GPHN: variants seen among roughly 807,000 people sequenced by gnomAD.
The protein encoded by GPHN is gephyrin.
A neutral mutation model predicts 95.5 loss-of-function variants in GPHN; 17 were observed. The observed-to-expected ratio is 0.18, with a 90% CI of 0.12 to 0.27. The LOEUF is 0.27. Ranked by LOEUF, GPHN falls within the 10% of genes least tolerant of loss-of-function variation. The probability of loss-of-function intolerance (pLI) is 1.00; values close to 1 mark genes in which losing one functional copy is unlikely to be tolerated. For synonymous variants in GPHN, 320 were observed against 322.5 expected (o/e 0.99, Z 0.08); for missense variants, 660 against 978.1 (o/e 0.67, Z 4.34).
the GPHN span, chr14:67,395,326 C>T: frequency 2.2e-6 from 3 of 1,363,602 alleles, no homozygotes; most frequent in African/African-American, 1.4e-5. Flanking sequence ...CAGAGCCCCC[C>T]CAAGGGGCAG....
intron 1 of GPHN, among the ~76,000 whole-genome samples, chr14:66,630,814 A>C (rs529127397): frequency 6.6e-6 from 1 of 152,210 alleles, no homozygotes; most frequent in East Asian, 1.9e-4. Context: ...TTTTCTTGTC[A>C]TGCCAGTTAA....
intron 12 of GPHN, among the ~76,000 whole-genome samples, chr14:67,094,794 G>A (rs941856239): frequency 1.3e-5 from 2 of 152,154 alleles, no homozygotes; most frequent in Non-Finnish European, 2.9e-5. Context: ...CTATTGCCAA[G>A]TGAGATTGTA....
the GPHN span, among the ~76,000 whole-genome samples, chr14:67,414,174 TC>T: frequency 6.6e-6 from 1 of 152,130 alleles, no homozygotes; most frequent in African/African-American, 2.4e-5. Flanking sequence ...CAGGAGGGGT[TC>T]TTGAATGAAT....
chr14:67,358,326 A>C, the GPHN span, among the ~76,000 whole-genome samples: 1 of 152,202 alleles, frequency 6.6e-6, no homozygotes, highest in South Asian at 2.1e-4. Context: ...TGAAGGTAAA[A>C]AATTTAAAAA....
At chr14:66,944,281 T>A (rs1872449381) in intron 8 of GPHN, among the ~76,000 whole-genome samples, 1 of 152,148 alleles carries the variant, frequency 6.6e-6, no homozygotes, top group African/African-American at 2.4e-5. Flanking sequence ...AGAGAATCAA[T>A]AATTAGCAAA....
At chr14:67,186,497 C>A (rs546010777), downstream of GPHN, among the ~76,000 whole-genome samples, 11 of 152,314 alleles carry the variant, frequency 7.2e-5, no homozygotes, top group African/African-American at 2.4e-4. Context: ...GAGGAAGCAA[C>A]TACCACAACT....
intron 2 of GPHN, among the ~76,000 whole-genome samples, chr14:66,723,249 A>G (rs1046960400): frequency 2.6e-5 from 4 of 151,418 alleles, no homozygotes; most frequent in Non-Finnish European, 5.9e-5. Context: ...TAAAAAGTTT[A>G]TAACCTTTTA....
chr14:66,602,905 T>C (rs1699749722), intron 1 of GPHN, among the ~76,000 whole-genome samples: 1 of 151,858 alleles, frequency 6.6e-6, no homozygotes, highest in South Asian at 2.1e-4. Flanking sequence ...AGTTATAAAT[T>C]AATTCATATA....
rs1169056047 is a variant in GPHN at position 66,829,082 on chromosome 14, C to CTTTT, written c.294+4536_294+4539dup. 2.9e-4 allele frequency among the ~76,000 whole-genome samples: 23 copies of CTTTT among 80,090 alleles called. 1 individual carries two copies. Among genetic ancestry groups the CTTTT allele is most frequent in the African/African-American group, 3.7e-4 (7 of 18,852 alleles). 52.5% of individuals were successfully genotyped at this position (80,090 alleles called of 152,430 possible). On this transcript the variant is annotated intron_variant, in intron 4 of 22. Transcript: ENST00000478722. Reference sequence around the variant, plus strand: ...TGGTTTTTAATAATAGATTGCTTGCCTTTTTTTTTTTTTTTTTTTTTTTGA... The same window carrying CTTTT: ...TGGTTTTTAATAATAGATTGCTTGCCTTTTTTTTTTTTTTTTTTTTTTTTTTTGA...
chr14:67,433,833 AACAAAT>A, the GPHN span, among the ~76,000 whole-genome samples: 1,192 of 152,362 alleles, frequency 7.8e-3, 21 homozygotes, highest in African/African-American at 0.027. Flanking sequence ...ATCACTGTTT[AACAAAT>A]ATCGTCTAAG....
chr14:67,057,010 C>A (rs552422423), intron 10 of GPHN, among the ~76,000 whole-genome samples: 1 of 152,290 alleles, frequency 6.6e-6, no homozygotes, highest in Non-Finnish European at 1.5e-5. Context: ...ACCCAGAACT[C>A]GTGCTGGCCC....
intron 17 of GPHN, among the ~76,000 whole-genome samples, chr14:67,125,787 A>AG (rs2079276712): frequency 6.6e-6 from 1 of 152,070 alleles, no homozygotes; most frequent in African/African-American, 2.4e-5. Flanking sequence ...AAAAAAAAAA[A>AG]AAAAGTCAGT....
chr14:67,531,580 C>G, the GPHN span, among the ~76,000 whole-genome samples: 1 of 151,882 alleles, frequency 6.6e-6, no homozygotes, highest in Admixed American at 6.6e-5. Context: ...ATTCCACTCT[C>G]CATGGTGCGT....
chr14:67,625,713 A>G, the GPHN span, among the ~76,000 whole-genome samples: 1 of 146,994 alleles, frequency 6.8e-6, no homozygotes. Flanking sequence ...AACTGGAAAG[A>G]CTTCATCAAT....
the GPHN span, chr14:67,684,905 A>G: frequency 1.2e-6 from 1 of 815,592 alleles, no homozygotes; most frequent in South Asian, 2.1e-5. Flanking sequence ...GAGTTAAAAG[A>G]CAAAAGCTAT....
the GPHN span, chr14:67,335,060 A>T: frequency 6.6e-6 from 1 of 152,196 alleles, no homozygotes; most frequent in Non-Finnish European, 1.5e-5. Context: ...ACATGGCTTT[A>T]ACAAGCAGAT....
intron 2 of GPHN, among the ~76,000 whole-genome samples, chr14:66,730,322 A>G (rs975074798): frequency 1.6e-4 from 24 of 152,130 alleles, no homozygotes; most frequent in Non-Finnish European, 2.6e-4. Flanking sequence ...AATCAGGCTC[A>G]CCTATTTGTT....
the GPHN span, among the ~76,000 whole-genome samples, chr14:67,273,628 G>A: frequency 3.9e-5 from 6 of 152,116 alleles, no homozygotes; most frequent in African/African-American, 1.4e-4. Context: ...AATCCTTTGG[G>A]TATATACCCA....
the GPHN span, chr14:67,376,299 C>A: frequency 1.2e-6 from 1 of 867,038 alleles, no homozygotes; most frequent in Non-Finnish European, 1.7e-6. Flanking sequence ...TTTATACCCA[C>A]TTAAAGTGAG....
Sources: gnomAD v4.1 joint callset for allele counts (sites outside exome capture counted in the v4.1 genomes callset) on GRCh38, gnomAD v4.1.1 for gene constraint, MANE v1.5 for transcripts, NCBI Gene and HGNC (gene_info 2026-07-23, HGNC 2026-07-21) for gene names.